SLC25A13: variants seen among roughly 807,000 people sequenced by gnomAD.
SLC25A13 encodes solute carrier family 25 member 13, also known as electrogenic aspartate/glutamate antiporter SLC25A13, mitochondrial.
In SLC25A13, 70 loss-of-function variants were observed where a neutral mutation model predicts 85.5. The observed-to-expected ratio is 0.82, with a 90% CI of 0.68 to 1.00. SLC25A13 has a LOEUF of 1.00. SLC25A13 is among the 50% of genes least tolerant of loss of function. The pLI is 0.00. For synonymous variants in SLC25A13, 259 were observed against 288.7 expected (o/e 0.90, Z 1.04); for missense variants, 765 against 819.8 (o/e 0.93, Z 0.82).
chr7:96,272,501 A>G (rs186814866), intron 3 of SLC25A13, among the ~76,000 whole-genome samples: 1 of 152,330 alleles, frequency 6.6e-6, no homozygotes, highest in East Asian at 1.9e-4. Flanking sequence ...CCATTCCTAA[A>G]TAAAAGGAAT....
At chr7:96,225,762 T>A (rs1796308556) in intron 4 of SLC25A13, among the ~76,000 whole-genome samples, 1 of 152,168 alleles carries the variant, frequency 6.6e-6, no homozygotes, top group African/African-American at 2.4e-5. Context: ...CCTCTAGATC[T>A]GCTCAGATAG....
chr7:96,129,188 A>G (rs752177518), intron 15 of SLC25A13, among the ~76,000 whole-genome samples: 3 of 152,170 alleles, frequency 2.0e-5, no homozygotes, highest in Non-Finnish European at 4.4e-5. Context: ...GCACCCAGTG[A>G]GCTGCTTCTA....
Position 96,185,022 on chromosome 7 carries a change from T to G in SLC25A13, c.934-11A>C, listed in dbSNP as rs1428544855. On this transcript the variant is annotated splice_polypyrimidine_tract_variant and intron_variant, in intron 9 of 17. Coordinates refer to ENST00000265631, the MANE Select transcript of SLC25A13 (RefSeq NM_014251.3). ...ATCACCTGAGGCCTTCTGCTTTGCA[T>G]GCACAGGAATCAGAGAGCAGGAAAA... 6.2e-7 allele frequency: 1 copy of G among 1,608,732 alleles called. No individual in the cohort carries two copies. The highest frequency in any genetic ancestry group is 1.3e-5 in the African/African-American group (1 of 74,830).
chr7:96,149,811 G>C (rs1348653159), intron 13 of SLC25A13, among the ~76,000 whole-genome samples: 1 of 152,160 alleles, frequency 6.6e-6, no homozygotes, highest in Non-Finnish European at 1.5e-5. Flanking sequence ...CCAATTCCTG[G>C]TCTATTATGC....
At chr7:96,196,398 C>T (rs968395145) in intron 5 of SLC25A13, among the ~76,000 whole-genome samples, 15 of 152,266 alleles carry the variant, frequency 9.9e-5, no homozygotes, top group African/African-American at 2.4e-4. Flanking sequence ...AAAATGGCAC[C>T]GCTTTCTCTG....
chr7:96,277,937 G>T (rs150922523), intron 2 of SLC25A13, among the ~76,000 whole-genome samples: 4 of 152,174 alleles, frequency 2.6e-5, no homozygotes, highest in East Asian at 1.9e-4. Context: ...TACTAAGTGC[G>T]TGTCATCTTG....
At chr7:96,259,970 C>T (rs903654561) in intron 3 of SLC25A13, among the ~76,000 whole-genome samples, 28 of 151,296 alleles carry the variant, frequency 1.9e-4, no homozygotes, top group Middle Eastern at 3.4e-3. Context: ...AACCAAACAC[C>T]GCATGTTCGC....
At chr7:96,225,563 A>G (rs1796300959) in intron 4 of SLC25A13, among the ~76,000 whole-genome samples, 2 of 141,418 alleles carry the variant, frequency 1.4e-5, no homozygotes, top group South Asian at 5.0e-4. Flanking sequence ...ACCAAGAAAG[A>G]AAAAAAAAAG....
intron 14 of SLC25A13, among the ~76,000 whole-genome samples, chr7:96,144,350 T>C (rs1792689815): frequency 6.6e-6 from 1 of 152,158 alleles, no homozygotes; most frequent in South Asian, 2.1e-4. Flanking sequence ...GGTCTCTGAA[T>C]GTAGCTGATA....
intron 3 of SLC25A13, among the ~76,000 whole-genome samples, chr7:96,260,071 G>A (rs1797792223): frequency 6.6e-6 from 1 of 152,000 alleles, no homozygotes; most frequent in Admixed American, 6.6e-5. Flanking sequence ...GGGAGCAAGG[G>A]GAGGGATAGC....
intron 7 of SLC25A13, among the ~76,000 whole-genome samples, chr7:96,190,634 T>G (rs1055817019): frequency 6.6e-6 from 1 of 151,592 alleles, no homozygotes; most frequent in Non-Finnish European, 1.5e-5. Flanking sequence ...ATTTTTGAGA[T>G]GGCATTTTGC....
rs1022676719 is a variant in SLC25A13 at position 96,315,969 on chromosome 7, T to A, written c.15+5973A>T. 1.8e-4 allele frequency among the ~76,000 whole-genome samples: 27 copies of A among 150,890 alleles called. 1 individual carries two copies. Among genetic ancestry groups the A allele is most frequent in the East Asian group, 7.8e-4 (4 of 5,150 alleles). ...CCCGTCTCTACAAAAAAAAAAAAAA[T>A]TTTAATTAGCTGGGTGTGGTGGTGT... On this transcript the variant is annotated intron_variant, in intron 1 of 17. Coordinates refer to ENST00000265631, the MANE Select transcript of SLC25A13 (RefSeq NM_014251.3).
rs780101587 is a variant in SLC25A13, at chr7:96,189,346, G to A, written c.881C>T (p.Ala294Val). 6.2e-7 allele frequency: 1 copy of A among 1,614,204 alleles called. No homozygotes were observed. The highest frequency in any genetic ancestry group is 8.5e-7 in the Non-Finnish European group (1 of 1,180,034). The part of the protein sequence containing the change: ...RMTLADIERI[A>V]PLEEGTLPFN... ...GGGCAGAGTTCCCTCTTCCAGAGGA[G>A]CAATCCGTTCAATGTCTGCTAAGGT... Residue 294 changes from alanine (A) to valine (V), a missense_variant, in exon 9 of 18, where the codon GCT becomes GTT. By Grantham distance (64) the Ala-to-Val change is moderately conservative. Coordinates refer to ENST00000265631, the MANE Select transcript of SLC25A13 (RefSeq NM_014251.3).
intron 13 of SLC25A13, among the ~76,000 whole-genome samples, chr7:96,159,070 A>G (rs1449493174): frequency 6.6e-6 from 1 of 152,216 alleles, no homozygotes; most frequent in Non-Finnish European, 1.5e-5. Flanking sequence ...CAAGTGCTGA[A>G]GACGGCATTC....
chr7:96,162,418 T>G (rs184182300), intron 13 of SLC25A13, among the ~76,000 whole-genome samples: 1 of 152,110 alleles, frequency 6.6e-6, no homozygotes, highest in Admixed American at 6.5e-5. Flanking sequence ...ACAAGAAAGG[T>G]TTGAAGACAC....
intron 3 of SLC25A13, among the ~76,000 whole-genome samples, chr7:96,236,710 C>A (rs1255201032): frequency 6.6e-6 from 1 of 152,124 alleles, no homozygotes; most frequent in Non-Finnish European, 1.5e-5. Context: ...TTCCATTTAA[C>A]CTGGGTAGAA....
At chr7:96,236,714 G>C (rs1287663917) in intron 3 of SLC25A13, among the ~76,000 whole-genome samples, 2 of 152,092 alleles carry the variant, frequency 1.3e-5, no homozygotes, top group Non-Finnish European at 2.9e-5. Flanking sequence ...ATTTAACCTG[G>C]GTAGAATTCC....
chr7:96,183,924 AG>A (rs1219747682), intron 11 of SLC25A13, among the ~76,000 whole-genome samples: 1 of 152,220 alleles, frequency 6.6e-6, no homozygotes, highest in East Asian at 1.9e-4. Context: ...AATCCTGAGT[AG>A]GCTTTGTCCT....
intron 5 of SLC25A13, among the ~76,000 whole-genome samples, chr7:96,205,667 C>A (rs767695526): frequency 6.6e-6 from 1 of 152,078 alleles, no homozygotes; most frequent in South Asian, 2.1e-4. Context: ...CAAATAATAT[C>A]GAATTGATTT....
Sources: gnomAD v4.1 joint callset for allele counts (sites outside exome capture counted in the v4.1 genomes callset) on GRCh38, gnomAD v4.1.1 for gene constraint, MANE v1.5 for transcripts, NCBI Gene and HGNC (gene_info 2026-07-23, HGNC 2026-07-21) for gene names.